Variants in VTI1A observed in about 807,000 individuals in gnomAD.
VTI1A encodes vesicle transport through interaction with t-SNAREs 1A, also known as vesicle transport through interaction with t-SNAREs homolog 1A.
In VTI1A, 22 loss-of-function variants were observed where a neutral mutation model predicts 34.9. That is an observed-to-expected ratio of 0.63 (90% CI 0.45 to 0.90). The LOEUF (loss-of-function observed/expected upper bound fraction) is 0.90. VTI1A is among the 40% of genes least tolerant of loss of function. The pLI, the probability that VTI1A is intolerant of heterozygous loss-of-function variation, is 0.00. For synonymous variants in VTI1A, 87 were observed against 97.3 expected, an observed-to-expected ratio of 0.89 and a Z score of 0.62; for missense variants, 268 against 275.6, an observed-to-expected ratio of 0.97 and a Z score of 0.20.
intron 3 of VTI1A, among the ~76,000 whole-genome samples, chr10:112,509,440 A>G (rs1056547374): frequency 1.3e-5 from 2 of 152,220 alleles, no homozygotes; most frequent in Admixed American, 6.5e-5. Context: ...TGCATTTACA[A>G]TGTGAAATAT....
chr10:112,620,349 C>T (rs1424531203), intron 5 of VTI1A, among the ~76,000 whole-genome samples: 1 of 152,034 alleles, frequency 6.6e-6, no homozygotes, highest in African/African-American at 2.4e-5. Flanking sequence ...CACAGTTTAG[C>T]GGAAAGAATG....
chr10:112,790,971 C>G (rs1236334729), intron 7 of VTI1A, among the ~76,000 whole-genome samples: 1 of 152,154 alleles, frequency 6.6e-6, no homozygotes, highest in Non-Finnish European at 1.5e-5. Context: ...AAAGACCCCT[C>G]CTCAAAGGGC....
intron 4 of VTI1A, among the ~76,000 whole-genome samples, chr10:112,534,283 T>G (rs567339963): frequency 1.3e-5 from 2 of 152,290 alleles, no homozygotes; most frequent in African/African-American, 2.4e-5. Flanking sequence ...ATAATTCTAT[T>G]TTTAAAAAAT....
chr10:112,762,633 G>C (rs893359719), intron 7 of VTI1A, among the ~76,000 whole-genome samples: 1 of 152,166 alleles, frequency 6.6e-6, no homozygotes, highest in South Asian at 2.1e-4. Context: ...AAGGACTACA[G>C]GTCATTGTAA....
intron 3 of VTI1A, among the ~76,000 whole-genome samples, chr10:112,512,306 T>A (rs1849639992): frequency 6.6e-6 from 1 of 152,202 alleles, no homozygotes; most frequent in Non-Finnish European, 1.5e-5. Flanking sequence ...TAATTTGTTA[T>A]ATCGAGCATT....
At chr10:112,484,188 C>T (rs1314880402) in intron 3 of VTI1A, among the ~76,000 whole-genome samples, 1 of 152,354 alleles carries the variant, frequency 6.6e-6, no homozygotes, top group Admixed American at 6.5e-5. Context: ...TACTAACTAG[C>T]TGAGTGCCAT....
At chr10:112,800,812 ATCT>A (rs1219727406) in intron 7 of VTI1A, among the ~76,000 whole-genome samples, 1 of 152,236 alleles carries the variant, frequency 6.6e-6, no homozygotes. Context: ...ACACTGGTAC[ATCT>A]TCTCCTACTA....
chr10:112,819,585 T>G (rs1034470662), downstream of VTI1A, among the ~76,000 whole-genome samples: 2 of 152,148 alleles, frequency 1.3e-5, no homozygotes, highest in Non-Finnish European at 2.9e-5. Flanking sequence ...CTGGAGCTCA[T>G]TACAAACAGC....
At chr10:112,704,722 T>C (rs755201279) in intron 7 of VTI1A, among the ~76,000 whole-genome samples, 4 of 152,194 alleles carry the variant, frequency 2.6e-5, no homozygotes, top group Non-Finnish European at 4.4e-5. Context: ...GGTAGTTGAA[T>C]GGTGTTAAAA....
At chr10:112,712,924 G>A (rs771821193) in intron 7 of VTI1A, among the ~76,000 whole-genome samples, 16 of 152,108 alleles carry the variant, frequency 1.1e-4, no homozygotes, top group Non-Finnish European at 2.1e-4. Context: ...AACTGAGTAG[G>A]GCAAAAGCTG....
chr10:112,834,760 C>T, the VTI1A span, among the ~76,000 whole-genome samples: 21 of 152,228 alleles, frequency 1.4e-4, no homozygotes, highest in Admixed American at 6.5e-4. Flanking sequence ...CTCTTGAAGC[C>T]GGGCGTTTGC....
At chr10:112,581,747 A>T (rs974165925) in intron 5 of VTI1A, among the ~76,000 whole-genome samples, 1 of 152,154 alleles carries the variant, frequency 6.6e-6, no homozygotes, top group Non-Finnish European at 1.5e-5. Context: ...TCAATGGCAG[A>T]ATTTAAGGGG....
intron 5 of VTI1A, among the ~76,000 whole-genome samples, chr10:112,666,695 G>T (rs1274071143): frequency 6.6e-6 from 1 of 152,134 alleles, no homozygotes; most frequent in Non-Finnish European, 1.5e-5. Flanking sequence ...GGTGAGAAAG[G>T]CAGGACAGAT....
At chr10:112,628,490 T>G (rs1254366280) in intron 5 of VTI1A, among the ~76,000 whole-genome samples, 1 of 152,154 alleles carries the variant, frequency 6.6e-6, no homozygotes, top group East Asian at 1.9e-4. Flanking sequence ...TTAATCATGT[T>G]TAATTTTAAA....
intron 7 of VTI1A, among the ~76,000 whole-genome samples, chr10:112,768,664 A>T (rs11196098): frequency 6.6e-6 from 1 of 152,102 alleles, no homozygotes; most frequent in Non-Finnish European, 1.5e-5. Flanking sequence ...AGTGCAGTTC[A>T]TGATCCCAGG....
rs185110032 is a variant in VTI1A at position 112,618,389 on chromosome 10, T to C, written c.428-49829T>C. 7.2e-3 allele frequency among the ~76,000 whole-genome samples: 1,087 copies of C among 150,104 alleles called. 6 individuals are homozygous for C. Among genetic ancestry groups the C allele is most frequent in the Non-Finnish European group, 0.011 (756 of 67,742 alleles). On this transcript the variant is annotated intron_variant, in intron 5 of 7. Transcript: ENST00000393077. ...ATCAACATCATCATCATCATCATCC[T>C]TAGGTGCAAAGCTAAAAGGCATGAG...
chr10:112,764,460 G>A (rs1851581380), intron 7 of VTI1A, among the ~76,000 whole-genome samples: 1 of 152,152 alleles, frequency 6.6e-6, no homozygotes, highest in African/African-American at 2.4e-5. Context: ...TTAAACCAAT[G>A]TGGTGTTTAA....
At chr10:112,525,185 A>G (rs1041031019) in intron 3 of VTI1A, among the ~76,000 whole-genome samples, 1 of 152,158 alleles carries the variant, frequency 6.6e-6, no homozygotes, top group African/African-American at 2.4e-5. Context: ...TCTGATGTAG[A>G]TATCTTTACT....
intron 5 of VTI1A, among the ~76,000 whole-genome samples, chr10:112,611,070 T>C (rs545464183): frequency 2.0e-5 from 3 of 152,368 alleles, no homozygotes; most frequent in African/African-American, 7.2e-5. Context: ...ATGTTCACTG[T>C]AAAGAAACTT....
Sources: allele counts gnomAD v4.1 joint callset (sites outside exome capture counted in the v4.1 genomes callset), GRCh38; gene constraint gnomAD v4.1.1; transcripts MANE v1.5; gene names NCBI Gene and HGNC (gene_info 2026-07-23, HGNC 2026-07-21).